The following CPED1 variants were observed in gnomAD, a reference collection of about 807,000 sequenced individuals.
The protein encoded by CPED1 is cadherin-like and PC-esterase domain-containing protein 1.
Under a neutral mutation model 128.2 loss-of-function variants are expected in CPED1, and 114 were observed. That is an observed-to-expected ratio of 0.89 (90% confidence interval 0.76 to 1.04). The LOEUF is 1.04. Ranked by LOEUF, CPED1 falls within the 50% of genes least tolerant of loss-of-function variation. The probability of loss-of-function intolerance (pLI) is 0.00; values close to 1 mark genes in which losing one functional copy is unlikely to be tolerated. For synonymous variants in CPED1, 462 were observed against 426.7 expected (o/e 1.08, Z -1.02); for missense variants, 1,211 against 1,207.1 (o/e 1.00, Z -0.05).
intron 4 of CPED1, among the ~76,000 whole-genome samples, chr7:121,058,055 G>A (rs759495397): frequency 3.9e-4 from 60 of 152,220 alleles, no homozygotes; most frequent in Middle Eastern, 3.4e-3. Flanking sequence ...ACAGTAAAGG[G>A]AGAAAGTCTT....
At chr7:121,023,962 T>A (rs188245506) in intron 3 of CPED1, among the ~76,000 whole-genome samples, 23 of 152,282 alleles carry the variant, frequency 1.5e-4, no homozygotes, top group Admixed American at 1.5e-3. Context: ...GTAATAGGCT[T>A]TGGACGGTAT....
At chr7:121,159,455 A>G (rs1796363380) in intron 16 of CPED1, among the ~76,000 whole-genome samples, 1 of 152,184 alleles carries the variant, frequency 6.6e-6, no homozygotes, top group Non-Finnish European at 1.5e-5. Context: ...CAGTAGAAAT[A>G]CATGGATTTG....
intron 11 of CPED1, 140 bp downstream of exon 11, chr7:121,128,626 A>G (rs1200858184): frequency 1.7e-6 from 1 of 579,520 alleles, no homozygotes; most frequent in East Asian, 2.8e-5. Context: ...TTGCTCTTTC[A>G]GAGATCTAAG....
intron 5 of CPED1, among the ~76,000 whole-genome samples, chr7:121,097,067 AT>A (rs1794718303): frequency 6.6e-6 from 1 of 152,152 alleles, no homozygotes; most frequent in Non-Finnish European, 1.5e-5. Flanking sequence ...TTTTCTGCTC[AT>A]TTGATTGCTT....
rs3735469 is a variant in CPED1, at chr7:121,196,658, G to A, written c.2056-40056G>A. Among the ~76,000 whole-genome samples, 40 of 152,196 alleles carry A rather than the reference G, an allele frequency of 2.6e-4. No homozygotes were observed. In the East Asian group the frequency reaches 6.2e-3, roughly 24 times the overall value. On this transcript the variant is annotated intron_variant, in intron 16 of 22. Transcript: ENST00000310396. ...GCAGGACATACTTATAAGACAGCAGGGAAAATGCTATGACTGAAAGGCAGC... is the reference window on the plus strand; with the variant it reads ...GCAGGACATACTTATAAGACAGCAGAGAAAATGCTATGACTGAAAGGCAGC...
chr7:121,187,589 G>A (rs774406794), intron 16 of CPED1, among the ~76,000 whole-genome samples: 1 of 152,106 alleles, frequency 6.6e-6, no homozygotes, highest in Non-Finnish European at 1.5e-5. Flanking sequence ...AATTAAACTT[G>A]TGATCTTGTC....
intron 16 of CPED1, among the ~76,000 whole-genome samples, chr7:121,192,825 A>G (rs1356859414): frequency 6.6e-6 from 1 of 152,166 alleles, no homozygotes; most frequent in Admixed American, 6.5e-5. Flanking sequence ...AGACTCTTAT[A>G]TCAAAATTTT....
chr7:121,280,981 T>C (rs1792449526), intron 22 of CPED1, among the ~76,000 whole-genome samples: 1 of 152,192 alleles, frequency 6.6e-6, no homozygotes, highest in Non-Finnish European at 1.5e-5. Flanking sequence ...AGAAAGCCAT[T>C]ACCCTGTCTC....
intron 21 of CPED1, among the ~76,000 whole-genome samples, chr7:121,270,869 T>G (rs916701315): frequency 3.9e-5 from 6 of 152,072 alleles, no homozygotes; most frequent in Admixed American, 2.0e-4. Flanking sequence ...CTTTTTTGGT[T>G]CCATATGAAT....
At chr7:121,097,586 T>C in intron 5 of CPED1, 113 bp from the exon 6 acceptor site, 1 of 1,161,888 alleles carries the variant, frequency 8.6e-7, no homozygotes, top group South Asian at 1.5e-5. Flanking sequence ...GGGAGAAAAA[T>C]GGTTGCATAT....
chr7:121,071,663 G>A (rs758836449), intron 5 of CPED1, among the ~76,000 whole-genome samples: 10 of 151,888 alleles, frequency 6.6e-5, no homozygotes, highest in Non-Finnish European at 1.3e-4. Context: ...CTACAGGAGC[G>A]GGCCACCATG....
chr7:121,134,569 T>C (rs1795745800), intron 13 of CPED1, among the ~76,000 whole-genome samples: 1 of 152,064 alleles, frequency 6.6e-6, no homozygotes, highest in Non-Finnish European at 1.5e-5. Flanking sequence ...TATGTTTAAA[T>C]AGCTGGAAGA....
At chr7:121,029,930 A>G (rs1792687877) in intron 3 of CPED1, among the ~76,000 whole-genome samples, 1 of 152,184 alleles carries the variant, frequency 6.6e-6, no homozygotes, top group Admixed American at 6.5e-5. Flanking sequence ...TTTGAAAGAT[A>G]CAGTGTGTAA....
In CPED1 at chr7:121,176,112, G is replaced by A. The variant is rs1238302690; in HGVS notation, c.2055+33971G>A. On this transcript the variant is annotated intron_variant, in intron 16 of 22. Transcript: ENST00000310396. ...TAATACTAGCAGGACTCTGGCCATAGGGATAGGGTTAAATAAATAACTCGA... is the reference window on the plus strand; with the variant it reads ...TAATACTAGCAGGACTCTGGCCATAAGGATAGGGTTAAATAAATAACTCGA... 2.0e-5 allele frequency among the ~76,000 whole-genome samples: 3 copies of A among 150,058 alleles called. No homozygotes were observed. In the East Asian group the frequency reaches 5.9e-4, roughly 29 times the overall value.
At chr7:121,284,058 T>G (rs149523643) in intron 22 of CPED1, among the ~76,000 whole-genome samples, 12 of 152,096 alleles carry the variant, frequency 7.9e-5, no homozygotes, top group African/African-American at 2.9e-4. Flanking sequence ...AGGAAAGAGG[T>G]TTAATTGACA....
intron 16 of CPED1, among the ~76,000 whole-genome samples, chr7:121,185,135 C>G (rs535065952): frequency 4.6e-5 from 7 of 152,106 alleles, no homozygotes; most frequent in African/African-American, 1.7e-4. Flanking sequence ...TCCTGAGACC[C>G]AAAGCAGAAT....
At chr7:121,020,431 C>A (rs1278674081) in intron 3 of CPED1, among the ~76,000 whole-genome samples, 1 of 151,914 alleles carries the variant, frequency 6.6e-6, no homozygotes, top group East Asian at 1.9e-4. Flanking sequence ...TGATTAATTG[C>A]AACAGAGTCT....
chr7:121,185,604 T>C (rs1049351496), intron 16 of CPED1, among the ~76,000 whole-genome samples: 4 of 152,212 alleles, frequency 2.6e-5, no homozygotes, highest in Admixed American at 2.0e-4. Context: ...ATAAAGTGGA[T>C]GGAGAAAGAC....
chr7:120,995,930 T>C (rs1351315047), intron 2 of CPED1, among the ~76,000 whole-genome samples: 1 of 143,238 alleles, frequency 7.0e-6, no homozygotes, highest in Non-Finnish European at 1.5e-5. Context: ...TCCTCCTCCT[T>C]CTCCTCCTCC....
Sources: gnomAD v4.1 joint callset for allele counts (sites outside exome capture counted in the v4.1 genomes callset) on GRCh38, gnomAD v4.1.1 for gene constraint, MANE v1.5 for transcripts, NCBI Gene and HGNC (gene_info 2026-07-23, HGNC 2026-07-21) for gene names.